Variants in AMER2 observed in about 807,000 individuals in gnomAD.
The protein encoded by AMER2 is family with sequence similarity 123A.
Under a neutral mutation model 4.7 loss-of-function variants are expected in AMER2, and 1 was observed. That is an observed-to-expected ratio of 0.21 (90% confidence interval 0.07 to 1.00). The LOEUF (loss-of-function observed/expected upper bound fraction) is 1.00. Ranked by LOEUF, AMER2 falls within the 50% of genes least tolerant of loss-of-function variation. The probability of loss-of-function intolerance (pLI) is 0.60; values close to 1 mark genes in which losing one functional copy is unlikely to be tolerated. For missense variants in AMER2, 988 were observed against 966.9 expected (o/e 1.02, Z -0.29); for synonymous variants, 485 against 433.3 (o/e 1.12, Z -1.48).
At position 25,163,034 on chromosome 13, in the gene AMER2, C is replaced by G. The variant is rs796351672; in HGVS notation, c.*6570G>C. 1 of 152,130 alleles carries G rather than the reference C, an allele frequency of 6.6e-6. No individual in the cohort carries two copies. The highest frequency in any genetic ancestry group is 2.1e-4 in the South Asian group (1 of 4,830). The allele number at this position is 152,130 out of a possible 1,614,324, so 9.4% of individuals were successfully genotyped here. A position where few individuals can be genotyped will look rare whatever the true frequency, so the allele number is the denominator to read the frequency against. On this transcript the variant is annotated 3_prime_UTR_variant, in exon 1 of 1. Coordinates refer to ENST00000515384, the MANE Select transcript of AMER2 (RefSeq NM_152704.4). Reference sequence around the variant, plus strand: ...AGTTAATGAATCAGAAAATGTAGGACAGGATTCAGTGGCTGTAGACACAAC... The same window carrying G: ...AGTTAATGAATCAGAAAATGTAGGAGAGGATTCAGTGGCTGTAGACACAAC...
rs1468350264 is a variant in AMER2, at chr13:25,162,397, C to T, written c.*7207G>A. 1 of 152,164 alleles carries T rather than the reference C, an allele frequency of 6.6e-6. No homozygotes were observed. The highest frequency in any genetic ancestry group is 1.5e-5 in the Non-Finnish European group (1 of 68,042). 9.4% of individuals were successfully genotyped at this position (152,164 alleles called of 1,614,324 possible). ...CATCAAAAGCATTTTCCCTGATATT[C>T]CTGATAGACCTACCACTATCAGATC... On this transcript the variant is annotated 3_prime_UTR_variant, in exon 1 of 1. Transcript: ENST00000515384.
In AMER2 at chr13:25,163,775, G is replaced by A. The variant is rs935937963; in HGVS notation, c.*5829C>T. On this transcript the variant is annotated 3_prime_UTR_variant, in exon 1 of 1. Transcript: ENST00000515384. ...AGAGAGATTTGCTGTACAACACTGTGGCTATAGTTAACAATACTGTATTGT... is the reference window on the plus strand; with the variant it reads ...AGAGAGATTTGCTGTACAACACTGTAGCTATAGTTAACAATACTGTATTGT... 1 of 151,868 alleles carries A rather than the reference G, an allele frequency of 6.6e-6. No homozygotes were observed. The highest frequency in any genetic ancestry group is 2.4e-5 in the African/African-American group (1 of 41,392). 9.4% of individuals were successfully genotyped at this position (151,868 alleles called of 1,614,324 possible). A position where few individuals can be genotyped will look rare whatever the true frequency, so the allele number is the denominator to read the frequency against.
In AMER2 at chr13:25,163,306, A is replaced by G. The variant is rs1000251940; in HGVS notation, c.*6298T>C. Reference sequence around the variant, plus strand: ...TTCTATGTTTAATTAGAATTACCATATGAATGACCCAGTCATTCCACTTCT... The same window carrying G: ...TTCTATGTTTAATTAGAATTACCATGTGAATGACCCAGTCATTCCACTTCT... On this transcript the variant is annotated 3_prime_UTR_variant, in exon 1 of 1. Transcript: ENST00000515384. 3.3e-5 allele frequency: 5 copies of G among 152,204 alleles called. No individual in the cohort carries two copies. Among genetic ancestry groups the G allele is most frequent in the African/African-American group, 1.2e-4 (5 of 41,448 alleles). The allele number at this position is 152,204 out of a possible 1,614,324, so 9.4% of individuals were successfully genotyped here. A position where few individuals can be genotyped will look rare whatever the true frequency, so the allele number is the denominator to read the frequency against.
In AMER2 at chr13:25,169,933, C is replaced by G; in HGVS notation, c.1687G>C (p.Asp563His). The change falls in exon 1 of 1, where the codon GAC (aspartate) becomes CAC (histidine). Residue 563 changes from aspartate (D) to histidine (H), a missense_variant. Coordinates refer to ENST00000515384, the MANE Select transcript of AMER2 (RefSeq NM_152704.4). This position sits in a 1 kb window ranked among gnomAD's most constrained non-coding sequence, Gnocchi z 4.2. ...DALYDLYADP[D>H]GSPATLPGGK... ...CCAGGAAGGGTTGCTGGACTTCCGT[C>G]CGGGTCAGCATAGAGATCATAGAGC... 6.2e-7 allele frequency: 1 copy of G among 1,614,182 alleles called. No individual in the cohort carries two copies. The highest frequency in any genetic ancestry group is 8.5e-7 in the Non-Finnish European group (1 of 1,180,026).
chr13:25,165,877 T>G lies in AMER2; in HGVS notation c.*3727A>C, dbSNP rs947544048. ...GGACAGAGCCAACATGCTAGCGTCA[T>G]GTGAAGTGTCCCGTCACTGCTGTCT... On this transcript the variant is annotated 3_prime_UTR_variant, in exon 1 of 1. Coordinates refer to ENST00000515384, the MANE Select transcript of AMER2 (RefSeq NM_152704.4). The G allele has an allele frequency of 6.6e-6, 1 of 152,264 alleles. No individual in the cohort carries two copies. Among genetic ancestry groups the G allele is most frequent in the African/African-American group, 2.4e-5 (1 of 41,468 alleles). The allele number at this position is 152,264 out of a possible 1,614,324, so 9.4% of individuals were successfully genotyped here.
chr13:25,171,010 G>C lies in AMER2; in HGVS notation c.610C>G (p.His204Asp). 2 of 1,568,012 alleles carry C rather than the reference G, an allele frequency of 1.3e-6. No individual in the cohort carries two copies. Among genetic ancestry groups the C allele is most frequent in the Non-Finnish European group, 1.7e-6 (2 of 1,158,680 alleles). Residue 204 changes from histidine (H) to aspartate (D), a missense_variant, in exon 1 of 1, where the codon CAC (histidine) becomes GAC (aspartate). Physicochemically the swap from His to Asp is moderately conservative, Grantham distance 81. Transcript: ENST00000515384. This position sits in a 1 kb window ranked among gnomAD's most constrained non-coding sequence, Gnocchi z 5.9. ...LRGLFSGMRW[H>D]RKDKRAKAEA... The stretch of plus-strand genomic sequence containing the variant: ...GCCTTGGCCCGCTTGTCTTTCCTGT[G>C]CCAGCGCATGCCGCTGAACAGCCCC...
chr13:25,163,569 A>G lies in AMER2; in HGVS notation c.*6035T>C, dbSNP rs1956436361. The G allele has an allele frequency of 6.6e-6, 1 of 151,742 alleles. No homozygotes were observed. Among genetic ancestry groups the G allele is most frequent in the African/African-American group, 2.4e-5 (1 of 41,240 alleles). The allele number at this position is 151,742 out of a possible 1,614,324, so 9.4% of individuals were successfully genotyped here. On this transcript the variant is annotated 3_prime_UTR_variant, in exon 1 of 1. Transcript: ENST00000515384. ...CTAAACTTGGGGGTCGTTATGCTCA[A>G]TGAAATAAGCCAGTCACAGAAGGAC...
rs1344068811 is a variant in AMER2, at chr13:25,171,988, C to T, written c.-369G>A. ...CACGAAATGCCTCTAAAAACGACAA[C>T]GCAATTCAACCCACCACAAAATGCT... On this transcript the variant is annotated 5_prime_UTR_variant, in exon 1 of 1. Transcript: ENST00000515384. This position sits in a 1 kb window ranked among gnomAD's most constrained non-coding sequence, Gnocchi z 5.9. The T allele has an allele frequency of 7.9e-6, 2 of 251,764 alleles. No homozygotes were observed. Among genetic ancestry groups the T allele is most frequent in the Non-Finnish European group, 1.5e-5 (2 of 134,132 alleles). The allele number at this position is 251,764 out of a possible 1,614,324, so 15.6% of individuals were successfully genotyped here. A position where few individuals can be genotyped will look rare whatever the true frequency, so the allele number is the denominator to read the frequency against.
At position 25,165,425 on chromosome 13, in the gene AMER2, C is replaced by T. The variant is rs1221424891; in HGVS notation, c.*4179G>A. 1 of 152,298 alleles carries T rather than the reference C, an allele frequency of 6.6e-6. No homozygotes were observed. The highest frequency in any genetic ancestry group is 2.4e-5 in the African/African-American group (1 of 41,472). The allele number at this position is 152,298 out of a possible 1,614,324, so 9.4% of individuals were successfully genotyped here. On this transcript the variant is annotated 3_prime_UTR_variant, in exon 1 of 1. Coordinates refer to ENST00000515384, the MANE Select transcript of AMER2 (RefSeq NM_152704.4). ...GCTTCCCCACACAGGCTCTGTAAGACACTCGTCTACCATACTACCCCTTTG... is the reference window on the plus strand; with the variant it reads ...GCTTCCCCACACAGGCTCTGTAAGATACTCGTCTACCATACTACCCCTTTG...
In AMER2 at chr13:25,164,804, C is replaced by T. The variant is rs1381610601; in HGVS notation, c.*4800G>A. On this transcript the variant is annotated 3_prime_UTR_variant, in exon 1 of 1. Coordinates refer to ENST00000515384, the MANE Select transcript of AMER2 (RefSeq NM_152704.4). Reference sequence around the variant, plus strand: ...TTAGAGGCATTTGTGTGGCTTAATTCATAGTGCCCTTCTTCAACTTCACAC... The same window carrying T: ...TTAGAGGCATTTGTGTGGCTTAATTTATAGTGCCCTTCTTCAACTTCACAC... The T allele has an allele frequency of 6.6e-6, 1 of 152,192 alleles. No individual in the cohort carries two copies. The highest frequency in any genetic ancestry group is 1.5e-5 in the Non-Finnish European group (1 of 68,052). The allele number at this position is 152,192 out of a possible 1,614,324, so 9.4% of individuals were successfully genotyped here. A position where few individuals can be genotyped will look rare whatever the true frequency, so the allele number is the denominator to read the frequency against.
At position 25,170,856 on chromosome 13, in the gene AMER2, G is replaced by A; in HGVS notation, c.764C>T (p.Ala255Val). ...AREPEEPSQD[A>V]PRDPAGEPAG... ...GGGCTCACCTGCTGGGTCTCGCGGGGCGTCCTGGCTGGGCTCCTCCGGCTC... is the reference window on the plus strand; with the variant it reads ...GGGCTCACCTGCTGGGTCTCGCGGGACGTCCTGGCTGGGCTCCTCCGGCTC... The change falls in exon 1 of 1, where the codon GCC (alanine) becomes GTC (valine). Residue 255 changes from alanine to valine, a missense_variant. Ala to Val is a moderately conservative substitution (Grantham distance 64, BLOSUM62 0). Transcript: ENST00000515384. This position sits in a 1 kb window ranked among gnomAD's most constrained non-coding sequence, Gnocchi z 7.3. The A allele has an allele frequency of 1.4e-6, 2 of 1,449,428 alleles. No individual in the cohort carries two copies. The highest frequency in any genetic ancestry group is 2.6e-5 in the Admixed American group (1 of 38,558). 89.8% of individuals were successfully genotyped at this position (1,449,428 alleles called of 1,614,324 possible).
rs1956572308 is a variant in AMER2, at chr13:25,171,278, C to T, written c.342G>A (p.Val114=). Residue 114 remains valine, a synonymous_variant, in exon 1 of 1, where the codon GTG becomes GTA. Transcript: ENST00000515384. The surrounding 1 kb of genome is among the most constrained non-coding windows in gnomAD (Gnocchi z 5.9). ...GCTCCTCCTTCCTGCCGCTCTCCAG[C>T]ACCAGCACCTCGGCAAGTCCGTCGT... The part of the protein sequence containing the change: ...RTHDGLAEVL[V]LESGRKEEPR... 1 of 1,569,198 alleles carries T rather than the reference C, an allele frequency of 6.4e-7. No homozygotes were observed. Among genetic ancestry groups the T allele is most frequent in the South Asian group, 1.2e-5 (1 of 85,616 alleles).
In AMER2 at chr13:25,161,903, A is replaced by C. The variant is rs1273873925; in HGVS notation, c.*7701T>G. ...ATATCAACAAATATACAAAATACCC[A>C]AAATAAAATATTTACAGGTTTAAAA... is the stretch of plus-strand genomic sequence containing the variant. On this transcript the variant is annotated 3_prime_UTR_variant, in exon 1 of 1. Coordinates refer to ENST00000515384, the MANE Select transcript of AMER2 (RefSeq NM_152704.4). 1 of 152,142 alleles carries C rather than the reference A, an allele frequency of 6.6e-6. No homozygotes were observed. The highest frequency in any genetic ancestry group is 1.9e-4 in the East Asian group (1 of 5,194). The allele number at this position is 152,142 out of a possible 1,614,324, so 9.4% of individuals were successfully genotyped here.
chr13:25,167,674 A>G lies in AMER2; in HGVS notation c.*1930T>C, dbSNP rs576798583. ...GAAATAACATTATGGATCTGAGACA[A>G]TGCAATAAAAGCCAGTCATATGACT... On this transcript the variant is annotated 3_prime_UTR_variant, in exon 1 of 1. Transcript: ENST00000515384. 5 of 152,344 alleles carry G rather than the reference A, an allele frequency of 3.3e-5. No individual in the cohort carries two copies. The South Asian group carries it at 1.0e-3, about 32-fold the overall frequency. The allele number at this position is 152,344 out of a possible 1,614,324, so 9.4% of individuals were successfully genotyped here.
chr13:25,167,420 A>G lies in AMER2; in HGVS notation c.*2184T>C, dbSNP rs2137436790. The G allele has an allele frequency of 6.6e-6, 1 of 152,338 alleles. No homozygotes were observed. The highest frequency in any genetic ancestry group is 2.1e-4 in the South Asian group (1 of 4,830). 9.4% of individuals were successfully genotyped at this position (152,338 alleles called of 1,614,324 possible). On this transcript the variant is annotated 3_prime_UTR_variant, in exon 1 of 1. Transcript: ENST00000515384. ...GAGCCTAAATAGTACCAGCGGCATG[A>G]AATCAAATGTAAATCCCTTGTTTAA...
In AMER2 at chr13:25,170,324, G is replaced by T. The variant is rs1284146754; in HGVS notation, c.1296C>A (p.Asp432Glu). The T allele has an allele frequency of 1.2e-6, 2 of 1,613,934 alleles. No individual in the cohort carries two copies. The highest frequency in any genetic ancestry group is 8.5e-7 in the Non-Finnish European group (1 of 1,179,994). Reference sequence around the variant, plus strand: ...CCCAGAACTCCTGTAGATAGGTGTCGTCCACCTCGTCCGGGCTGGCCATCT... The same window carrying T: ...CCCAGAACTCCTGTAGATAGGTGTCTTCCACCTCGTCCGGGCTGGCCATCT... The part of the protein sequence containing the change: ...GEEMASPDEV[D>E]DTYLQEFWDM... Residue 432 changes from aspartate (D) to glutamate (E), a missense_variant, in exon 1 of 1, where the codon GAC becomes GAA. Transcript: ENST00000515384. This position sits in a 1 kb window ranked among gnomAD's most constrained non-coding sequence, Gnocchi z 7.3.
rs1451548461 is a variant in AMER2 at position 25,169,620 on chromosome 13, C to T, written c.2000G>A (p.Ser667Asn). 1.3e-6 allele frequency: 2 copies of T among 1,585,106 alleles called. No individual in the cohort carries two copies. The highest frequency in any genetic ancestry group is 1.7e-6 in the Non-Finnish European group (2 of 1,164,660). The change falls in exon 1 of 1, where the codon AGT becomes AAT. Residue 667 changes from serine (S) to asparagine (N), a missense_variant. Transcript: ENST00000515384. This position sits in a 1 kb window ranked among gnomAD's most constrained non-coding sequence, Gnocchi z 4.2. ...TTIRATACHD[S>N]AKKL is the part of the protein sequence containing the mutation. Reference sequence around the variant, plus strand: ...TGGAAGACCTCACAACTTTTTGGCACTGTCGTGGCAGGCCGTTGCTCTGAT... The same window carrying T: ...TGGAAGACCTCACAACTTTTTGGCATTGTCGTGGCAGGCCGTTGCTCTGAT...
In AMER2 at chr13:25,171,605, C is replaced by T. The variant is rs766241390; in HGVS notation, c.15G>A (p.Arg5=). The change falls in exon 1 of 1, where the codon CGG becomes CGA. Residue 5 remains arginine (R), a synonymous_variant. Transcript: ENST00000515384. This position sits in a 1 kb window ranked among gnomAD's most constrained non-coding sequence, Gnocchi z 5.9. METS[R]SRGGGGAVSE... is the part of the protein sequence containing the mutation. ...TGACAGCCCCGCCGCCGCCGCGGCT[C>T]CGGCTCGTCTCCATGGAAACCGCGC... 6.7e-7 allele frequency: 1 copy of T among 1,492,220 alleles called. No individual in the cohort carries two copies. The highest frequency in any genetic ancestry group is 2.3e-5 in the Admixed American group (1 of 43,116). 92.4% of individuals were successfully genotyped at this position (1,492,220 alleles called of 1,614,324 possible). A position where few individuals can be genotyped will look rare whatever the true frequency, so the allele number is the denominator to read the frequency against.
chr13:25,171,777 C>A lies in AMER2; in HGVS notation c.-158G>T. 1 of 1,322,372 alleles carries A rather than the reference C, an allele frequency of 7.6e-7. No homozygotes were observed. The highest frequency in any genetic ancestry group is 9.6e-7 in the Non-Finnish European group (1 of 1,039,890). The allele number at this position is 1,322,372 out of a possible 1,614,324, so 81.9% of individuals were successfully genotyped here. A position where few individuals can be genotyped will look rare whatever the true frequency, so the allele number is the denominator to read the frequency against. On this transcript the variant is annotated 5_prime_UTR_variant, in exon 1 of 1. Transcript: ENST00000515384. This position sits in a 1 kb window ranked among gnomAD's most constrained non-coding sequence, Gnocchi z 5.9. Reference sequence around the variant, plus strand: ...CCCTCCCGCAAGGGCTTATATAATACCCTAACCCACTTCCATCCGACTTGG... The same window carrying A: ...CCCTCCCGCAAGGGCTTATATAATAACCTAACCCACTTCCATCCGACTTGG...
Sources: allele counts gnomAD v4.1 joint callset, GRCh38; gene constraint gnomAD v4.1.1; non-coding constraint Gnocchi (gnomAD v3.1); transcripts MANE v1.5; gene names NCBI Gene and HGNC (gene_info 2026-07-23, HGNC 2026-07-21).